Variants in KIAA1549L observed in about 807,000 individuals in gnomAD.
KIAA1549L encodes KIAA1549 like, also known as UPF0606 protein KIAA1549L.
Under a neutral mutation model 160.7 loss-of-function variants are expected in KIAA1549L, and 88 were observed. The observed-to-expected ratio is 0.55, with a 90% CI of 0.46 to 0.65. The LOEUF is 0.65. Among genes scored for constraint, KIAA1549L ranks in the 30% least tolerant of loss-of-function variants. KIAA1549L has a pLI of 0.00. For missense variants in KIAA1549L, 2,258 were observed against 2,437.5 expected (o/e 0.93, Z 1.55); for synonymous variants, 950 against 976.7 (o/e 0.97, Z 0.51).
chr11:33,468,527 A>C (rs1468711458), intron 1 of KIAA1549L, among the ~76,000 whole-genome samples: 3 of 152,238 alleles, frequency 2.0e-5, no homozygotes, highest in Admixed American at 6.5e-5. Context: ...CTGCAGGTCT[A>C]TCACTGTCGA....
Position 33,542,983 on chromosome 11 carries a change from C to T in KIAA1549L, c.1420C>T (p.Leu474=), listed in dbSNP as rs1854080827. The change falls in exon 2 of 21, where the codon CTG becomes TTG. Residue 474 remains leucine (L), a synonymous_variant. Coordinates refer to ENST00000658780, the MANE Select transcript of KIAA1549L (RefSeq NM_012194.3). ...AEHTSSLVPS[L]HITTLGQEQA... is the part of the protein sequence containing the mutation. ...ACACACCTCTTCTTTGGTGCCTTCTCTGCATATCACCACACTGGGTCAAGA... is the reference window on the plus strand; with the variant it reads ...ACACACCTCTTCTTTGGTGCCTTCTTTGCATATCACCACACTGGGTCAAGA... 6.2e-7 allele frequency: 1 copy of T among 1,613,906 alleles called. No individual in the cohort carries two copies. The highest frequency in any genetic ancestry group is 2.2e-5 in the East Asian group (1 of 44,898).
intron 8 of KIAA1549L, among the ~76,000 whole-genome samples, chr11:33,562,678 CTTTTTTT>C (rs35756207): frequency 1.5e-5 from 2 of 134,020 alleles, no homozygotes; most frequent in East Asian, 4.4e-4. Context: ...TTCATTTCCT[CTTTTTTT>C]TTTTTTTTTT....
chr11:33,423,071 C>T (rs1851051211), intron 1 of KIAA1549L, among the ~76,000 whole-genome samples: 2 of 152,262 alleles, frequency 1.3e-5, no homozygotes, highest in East Asian at 1.9e-4. Context: ...CTGGTTTGGC[C>T]TTTTATTACA....
At chr11:33,490,610 C>T (rs1334104547) in intron 1 of KIAA1549L, among the ~76,000 whole-genome samples, 1 of 152,184 alleles carries the variant, frequency 6.6e-6, no homozygotes, top group Non-Finnish European at 1.5e-5. Flanking sequence ...GCCCACTTTA[C>T]TTCTAATTAG....
intron 16 of KIAA1549L, among the ~76,000 whole-genome samples, chr11:33,638,251 T>C (rs1192773323): frequency 6.6e-6 from 1 of 152,148 alleles, no homozygotes; most frequent in Non-Finnish European, 1.5e-5. Context: ...CCTCACTTTT[T>C]TTTTCAGTCA....
chr11:33,518,166 A>AAAAAAAAAAAG (rs1853396650), intron 1 of KIAA1549L, among the ~76,000 whole-genome samples: 1 of 138,876 alleles, frequency 7.2e-6, no homozygotes, highest in African/African-American at 2.7e-5. Context: ...AAAAAAAAAA[A>AAAAAAAAAAAG]GACATAGCAA....
chr11:33,667,502 C>A (rs1247428025), intron 20 of KIAA1549L, among the ~76,000 whole-genome samples: 2 of 151,942 alleles, frequency 1.3e-5, no homozygotes, highest in African/African-American at 4.8e-5. Context: ...AAGTGACTCT[C>A]CTGCTTCAGC....
At chr11:33,423,985 T>C (rs1851069049) in intron 1 of KIAA1549L, among the ~76,000 whole-genome samples, 1 of 151,778 alleles carries the variant, frequency 6.6e-6, no homozygotes, top group African/African-American at 2.4e-5. Flanking sequence ...GCTGTGATCA[T>C]GCCAGTGCAT....
chr11:33,660,300 T>G (rs1176059680), intron 19 of KIAA1549L, among the ~76,000 whole-genome samples: 1 of 152,190 alleles, frequency 6.6e-6, no homozygotes, highest in Non-Finnish European at 1.5e-5. Flanking sequence ...CCAGGTGGCC[T>G]GGCGCGGTGG....
intron 17 of KIAA1549L, among the ~76,000 whole-genome samples, chr11:33,649,498 T>A (rs1160243829): frequency 8.4e-6 from 1 of 119,572 alleles, no homozygotes; most frequent in African/African-American, 3.2e-5. Flanking sequence ...AGACCTTGTC[T>A]CTATTGTAAA....
intron 14 of KIAA1549L, among the ~76,000 whole-genome samples, chr11:33,609,141 G>T (rs1056818807): frequency 6.6e-6 from 1 of 152,224 alleles, no homozygotes; most frequent in Non-Finnish European, 1.5e-5. Context: ...GCAGGACCTG[G>T]TTCATGTTAG....
At chr11:33,488,941 A>G (rs1253895457) in intron 1 of KIAA1549L, among the ~76,000 whole-genome samples, 1 of 152,214 alleles carries the variant, frequency 6.6e-6, no homozygotes, top group Non-Finnish European at 1.5e-5. Flanking sequence ...CTCTCTAGAT[A>G]TTTGCATAGC....
chr11:33,634,285 C>CA (rs34178286), intron 16 of KIAA1549L, among the ~76,000 whole-genome samples: 49,007 of 151,908 alleles, frequency 0.32, 8,338 homozygotes, highest in African/African-American at 0.43. Flanking sequence ...TCAAGTGATC[C>CA]ACCCACCTCG....
At chr11:33,532,691 C>G (rs1853801771) in intron 1 of KIAA1549L, among the ~76,000 whole-genome samples, 1 of 152,276 alleles carries the variant, frequency 6.6e-6, no homozygotes, top group African/African-American at 2.4e-5. Flanking sequence ...AGTTTGGCAT[C>G]TCCATGAATG....
chr11:33,478,434 T>C (rs918527400), intron 1 of KIAA1549L, among the ~76,000 whole-genome samples: 1 of 150,972 alleles, frequency 6.6e-6, no homozygotes, highest in African/African-American at 2.4e-5. Flanking sequence ...GCGAAAGAGG[T>C]TTTTTCAAGC....
chr11:33,617,023 C>T (rs1267746519), intron 15 of KIAA1549L, among the ~76,000 whole-genome samples: 1 of 151,786 alleles, frequency 6.6e-6, no homozygotes, highest in East Asian at 1.9e-4. Flanking sequence ...TGCCTGTAGA[C>T]CCAGCTACTC....
chr11:33,627,048 C>A (rs1851135280), intron 16 of KIAA1549L, among the ~76,000 whole-genome samples: 2 of 75,312 alleles, frequency 2.7e-5, no homozygotes, highest in Non-Finnish European at 5.0e-5. Context: ...TGTTTATATG[C>A]TGGATTACAT....
chr11:33,579,693 A>G (rs1855570869), intron 10 of KIAA1549L, among the ~76,000 whole-genome samples: 1 of 152,174 alleles, frequency 6.6e-6, no homozygotes, highest in African/African-American at 2.4e-5. Flanking sequence ...AATCAAGGTA[A>G]CGCTATAGAC....
intron 1 of KIAA1549L, among the ~76,000 whole-genome samples, chr11:33,435,818 G>GTGTGTGTGTGTA (rs1554976830): frequency 7.1e-4 from 32 of 45,316 alleles, no homozygotes; most frequent in South Asian, 1.8e-3. Flanking sequence ...ATATGTGTGT[G>GTGTGTGTGTGTA]TATATATATA....
Sources: allele counts gnomAD v4.1 joint callset (sites outside exome capture counted in the v4.1 genomes callset), GRCh38; gene constraint gnomAD v4.1.1; transcripts MANE v1.5; gene names NCBI Gene and HGNC (gene_info 2026-07-23, HGNC 2026-07-21).